Variants in PRAMEF2 observed in about 807,000 individuals in gnomAD.
The protein encoded by PRAMEF2 is PRAME family member 2.
Under a neutral mutation model 38.0 loss-of-function variants are expected in PRAMEF2, and 35 were observed. The ratio of observed to expected loss-of-function variants is 0.92; its 90% CI spans 0.70 to 1.22. The LOEUF (loss-of-function observed/expected upper bound fraction) is 1.22. PRAMEF2 is among the 50% of genes most tolerant of loss of function. The pLI is 0.00. For missense variants in PRAMEF2, 562 were observed against 553.9 expected (o/e 1.01, Z -0.15); for synonymous variants, 240 against 232.4 (o/e 1.03, Z -0.30).
Position 12,859,955 on chromosome 1 carries a change from A to G in PRAMEF2, c.550A>G (p.Lys184Glu), listed in dbSNP as rs1166470088. The G allele has an allele frequency of 1.9e-6, 3 of 1,593,196 alleles. No individual in the cohort carries two copies. The highest frequency in any genetic ancestry group is 3.5e-5 in the Admixed American group (2 of 57,512). Reference protein sequence around the residue: ...RRGLVHLCCSKLVNYLTPIKY... With the variant: ...RRGLVHLCCSELVNYLTPIKY... The stretch of plus-strand genomic sequence containing the variant: ...AGGTTTAGTACACCTGTGCTGTAGT[A>G]AGCTGGTCAATTATCTAACGCCAAT... Residue 184 changes from lysine to glutamate, a missense_variant, in exon 3 of 4, where the codon AAG (lysine) becomes GAG (glutamate). Coordinates refer to ENST00000240189, the MANE Select transcript of PRAMEF2 (RefSeq NM_023014.1).
intron 3 of PRAMEF2, among the ~76,000 whole-genome samples, chr1:12,860,748 GT>G (rs1015725522): frequency 1.3e-5 from 2 of 150,304 alleles, no homozygotes; most frequent in African/African-American, 4.9e-5. Flanking sequence ...TCCAGGAAAG[GT>G]AATTGACATG....
Position 12,861,267 on chromosome 1 carries a change from C to T in PRAMEF2, c.913C>T (p.Leu305=), listed in dbSNP as rs762213948. 41 of 1,607,632 alleles carry T rather than the reference C, an allele frequency of 2.6e-5. No individual in the cohort carries two copies. The East Asian group carries it at 7.6e-4, about 30-fold the overall frequency. ...GAACTTGGAATTAACTTGTGGCAAC[C>T]TATTAGAAGAGGACTTGAAGTGTCT... The part of the protein sequence containing the change: ...LENLELTCGN[L]LEEDLKCLSQ... The change falls in exon 4 of 4, where the codon CTA becomes TTA. Residue 305 remains leucine (L), a synonymous_variant. Transcript: ENST00000240189.
chr1:12,858,423 G>A (rs527303476), intron 1 of PRAMEF2, among the ~76,000 whole-genome samples: 4 of 149,878 alleles, frequency 2.7e-5, no homozygotes, highest in South Asian at 2.1e-4. Context: ...GGCTGTTCTC[G>A]AACTCCTGAC....
At chr1:12,858,601 T>C (rs1242648503) in intron 1 of PRAMEF2, among the ~76,000 whole-genome samples, 2 of 150,068 alleles carry the variant, frequency 1.3e-5, no homozygotes, top group Non-Finnish European at 3.0e-5. Flanking sequence ...GAACTGAGAA[T>C]GGAGGCTGTC....
chr1:12,860,664 G>A (rs12410150), intron 3 of PRAMEF2, among the ~76,000 whole-genome samples: 5,794 of 149,820 alleles, frequency 0.039, 399 homozygotes, highest in Middle Eastern at 0.065. Flanking sequence ...ACAATAGAAC[G>A]TCTGTCCTCA....
rs767954098 is a variant in PRAMEF2, at chr1:12,860,411, C to G, written c.866+140C>G. 2.4e-3 allele frequency: 3,631 copies of G among 1,497,826 alleles called. 148 individuals are homozygous for G. The highest frequency in any genetic ancestry group is 2.9e-3 in the Non-Finnish European group (3,268 of 1,109,834). The allele number at this position is 1,497,826 out of a possible 1,614,324, so 92.8% of individuals were successfully genotyped here. ...AACACCAGAATGTCAACACATTGTCCCATTCAGTGTTCCATGTCCTGGAGT... is the reference window on the plus strand; with the variant it reads ...AACACCAGAATGTCAACACATTGTCGCATTCAGTGTTCCATGTCCTGGAGT... On this transcript the variant is annotated intron_variant, in intron 3 of 3. Transcript: ENST00000240189.
Position 12,858,895 on chromosome 1 carries a change from C to G in PRAMEF2, c.-25-90C>G, listed in dbSNP as rs967559147. The G allele has an allele frequency of 5.6e-6, 8 of 1,436,702 alleles. 1 individual carries two copies. In the African/African-American group the frequency reaches 1.0e-4, roughly 18 times the overall value. The allele number at this position is 1,436,702 out of a possible 1,614,324, so 89.0% of individuals were successfully genotyped here. On this transcript the variant is annotated intron_variant, in intron 1 of 3. Coordinates refer to ENST00000240189, the MANE Select transcript of PRAMEF2 (RefSeq NM_023014.1). ...GGGTAAAGTGGTAATTTTTCTACCT[C>G]TACCAGAGCAATGATATTGGTCCTA...
In PRAMEF2 at chr1:12,858,686, A is replaced by AGCTT. The variant is rs1481514049; in HGVS notation, c.-25-297_-25-294dup. Among the ~76,000 whole-genome samples the AGCTT allele has an allele frequency of 2.0e-5, 3 of 149,722 alleles. 1 individual carries two copies. The highest frequency in any genetic ancestry group is 4.4e-5 in the Non-Finnish European group (3 of 67,494). ...AAGAAATTTTTCCTCAAAGAGGTAG[A>AGCTT]GCTTGGCTTTCAGGATCCTCAGTGG... is the stretch of plus-strand genomic sequence containing the variant. On this transcript the variant is annotated intron_variant, in intron 1 of 3. Coordinates refer to ENST00000240189, the MANE Select transcript of PRAMEF2 (RefSeq NM_023014.1).
Position 12,859,822 on chromosome 1 carries a change from A to G in PRAMEF2, c.417A>G (p.Pro139=), listed in dbSNP as rs374841409. 1.9e-4 allele frequency: 305 copies of G among 1,607,496 alleles called. 12 individuals carry two copies. The highest frequency in any genetic ancestry group is 2.6e-4 in the Non-Finnish European group (303 of 1,177,938). ...AGAGGCAGACAGCAGAGGACTGTCC[A>G]AGGACGGGAGAGCACCAGCCCTTAA... is the stretch of plus-strand genomic sequence containing the variant. ...MSKRQTAEDC[P]RTGEHQPLKV... Residue 139 remains proline (P), a synonymous_variant, in exon 3 of 4, where the codon CCA becomes CCG. Coordinates refer to ENST00000240189, the MANE Select transcript of PRAMEF2 (RefSeq NM_023014.1).
At chr1:12,860,435 G>T (rs1033266370) in intron 3 of PRAMEF2, among the ~76,000 whole-genome samples, 164 bp downstream of exon 3, 3 of 150,252 alleles carry the variant, frequency 2.0e-5, no homozygotes, top group African/African-American at 7.3e-5. Flanking sequence ...ATGTCCTGGA[G>T]TGGCTATCAC....
rs1304449658 is a variant in PRAMEF2 at position 12,859,392 on chromosome 1, T to C, written c.287+96T>C. 21 of 1,588,344 alleles carry C rather than the reference T, an allele frequency of 1.3e-5. 1 individual carries two copies. The highest frequency in any genetic ancestry group is 1.8e-5 in the Admixed American group (1 of 55,790). ...GAAGTAACCCAAGTGCGGCCCAGAG[T>C]CTTCTGATGGTGTTGGCGAGGAAGC... On this transcript the variant is annotated intron_variant, in intron 2 of 3. Coordinates refer to ENST00000240189, the MANE Select transcript of PRAMEF2 (RefSeq NM_023014.1).
intron 1 of PRAMEF2, among the ~76,000 whole-genome samples, 195 bp from the exon 2 acceptor site, chr1:12,858,790 C>A (rs1640488610): frequency 6.7e-6 from 1 of 149,368 alleles, no homozygotes; most frequent in Admixed American, 6.9e-5. Flanking sequence ...CCCCTCCCTC[C>A]TTGGTGTTTG....
At chr1:12,859,486 G>C (rs1640504267) in intron 2 of PRAMEF2, among the ~76,000 whole-genome samples, 190 bp downstream of exon 2, 1 of 150,972 alleles carries the variant, frequency 6.6e-6, no homozygotes, top group South Asian at 2.1e-4. Context: ...GTCCACTGTG[G>C]GAACAGAAGC....
Position 12,860,337 on chromosome 1 carries a change from T to C in PRAMEF2, c.866+66T>C, listed in dbSNP as rs895578928. On this transcript the variant is annotated intron_variant, in intron 3 of 3. Coordinates refer to ENST00000240189, the MANE Select transcript of PRAMEF2 (RefSeq NM_023014.1). ...AGACTTGTTCTGTTACAGCAAACATTAGAAGGCGTGTACTGTGTGCCAGCC... is the reference window on the plus strand; with the variant it reads ...AGACTTGTTCTGTTACAGCAAACATCAGAAGGCGTGTACTGTGTGCCAGCC... 102 of 1,593,082 alleles carry C rather than the reference T, an allele frequency of 6.4e-5. 6 individuals carry two copies. Among genetic ancestry groups the C allele is most frequent in the Non-Finnish European group, 7.9e-5 (92 of 1,168,430 alleles).
chr1:12,857,099 G>A lies in PRAMEF2; in HGVS notation c.-74G>A, dbSNP rs540882941. 1.4e-4 allele frequency: 20 copies of A among 147,512 alleles called. 2 individuals carry two copies. Among genetic ancestry groups the A allele is most frequent in the South Asian group, 4.4e-4 (2 of 4,512 alleles). The allele number at this position is 147,512 out of a possible 1,614,324, so 9.1% of individuals were successfully genotyped here. On this transcript the variant is annotated 5_prime_UTR_variant, in exon 1 of 4. Transcript: ENST00000240189. ...ACAGCACTCACACCTGAAGCTACTG[G>A]TTGGTTCCCTGAGAGGTCCCAGAAC...
At position 12,861,227 on chromosome 1, in the gene PRAMEF2, C is replaced by G. The variant is rs1640542661; in HGVS notation, c.873C>G (p.Leu291=). 3.1e-6 allele frequency: 5 copies of G among 1,607,252 alleles called. No individual in the cohort carries two copies. The East Asian group carries it at 1.1e-4, about 36-fold the overall frequency. Residue 291 remains leucine, a synonymous_variant, in exon 4 of 4, where the codon CTC becomes CTG. Coordinates refer to ENST00000240189, the MANE Select transcript of PRAMEF2 (RefSeq NM_023014.1). ...AACTTCTTGATCTCCACAGGTGCCT[C>G]CAGAACCCCTTGGAGAACTTGGAAT... is the stretch of plus-strand genomic sequence containing the variant. The part of the protein sequence containing the change: ...SGHLEQLIRC[L]QNPLENLELT...
rs17038709 is a variant in PRAMEF2, at chr1:12,860,212, C to T, written c.807C>T (p.Leu269=). 1.8e-4 allele frequency: 282 copies of T among 1,606,356 alleles called. 17 individuals are homozygous for T. The highest frequency in any genetic ancestry group is 5.0e-4 in the Middle Eastern group (3 of 6,044). The part of the protein sequence containing the change: ...FTSVFLRLEH[L]QLLKIKLITF... ...CTGTGTTCCTCAGGCTGGAACACCT[C>T]CAGTTGCTTAAAATAAAATTGATCA... The change falls in exon 3 of 4, where the codon CTC becomes CTT. Residue 269 remains leucine (L), a synonymous_variant. Transcript: ENST00000240189.
At chr1:12,858,880 G>C in intron 1 of PRAMEF2, 105 bp from the exon 2 acceptor site, 1 of 1,326,184 alleles carries the variant, frequency 7.5e-7, no homozygotes, top group Non-Finnish European at 1.0e-6. Flanking sequence ...GGGTAAAGTG[G>C]TAATTTTTCT....
At chr1:12,860,663 C>G (rs1308818988) in intron 3 of PRAMEF2, among the ~76,000 whole-genome samples, 1 of 149,946 alleles carries the variant, frequency 6.7e-6, no homozygotes, top group African/African-American at 2.4e-5. Context: ...CACAATAGAA[C>G]GTCTGTCCTC....
Sources: allele counts gnomAD v4.1 joint callset (sites outside exome capture counted in the v4.1 genomes callset), GRCh38; gene constraint gnomAD v4.1.1; transcripts MANE v1.5; gene names NCBI Gene and HGNC (gene_info 2026-07-23, HGNC 2026-07-21).